The following PLSCR2 variants were observed in gnomAD, a reference collection of about 807,000 sequenced individuals.
PLSCR2 encodes PL scramblase 2.
PLSCR2 carries 18 observed loss-of-function variants against 25.3 expected under a neutral mutation model. The ratio of observed to expected loss-of-function variants is 0.71; its 90% CI spans 0.49 to 1.06. The LOEUF (loss-of-function observed/expected upper bound fraction) is 1.06, where lower values mean the gene tolerates loss of function less well. PLSCR2 is among the 50% of genes least tolerant of loss of function. The pLI, the probability that PLSCR2 is intolerant of heterozygous loss-of-function variation, is 0.00. For synonymous variants in PLSCR2, 88 were observed against 87.3 expected (o/e 1.01, Z -0.04); for missense variants, 243 against 269.5 (o/e 0.90, Z 0.69).
chr3:146,394,556 G>A (rs1352026358), intron 3 of PLSCR2, among the ~76,000 whole-genome samples: 2 of 152,184 alleles, frequency 1.3e-5, no homozygotes, highest in East Asian at 1.9e-4. Context: ...GTCAGCCACC[G>A]TGCCTGGACC....
At chr3:146,439,730 C>G (rs746879627), downstream of PLSCR2, among the ~76,000 whole-genome samples, 1 of 152,030 alleles carries the variant, frequency 6.6e-6, no homozygotes, top group African/African-American at 2.4e-5. Context: ...TCCTTTAGCT[C>G]GGAGTTTGTT....
At chr3:146,483,443 A>G (rs1560054647) in intron 1 of PLSCR2, among the ~76,000 whole-genome samples, 1 of 62,236 alleles carries the variant, frequency 1.6e-5, no homozygotes. Context: ...ATATATATAT[A>G]CACATGTATG....
At chr3:146,410,950 G>A (rs1027515768) in intron 2 of PLSCR2, among the ~76,000 whole-genome samples, 2 of 152,116 alleles carry the variant, frequency 1.3e-5, no homozygotes, top group African/African-American at 4.8e-5. Flanking sequence ...TTATGAGGTC[G>A]CCACGGAACT....
At chr3:146,430,494 G>T (rs893529610), downstream of PLSCR2, among the ~76,000 whole-genome samples, 1 of 152,112 alleles carries the variant, frequency 6.6e-6, no homozygotes, top group African/African-American at 2.4e-5. Flanking sequence ...GCACTTAATT[G>T]TGCCCAGAGA....
chr3:146,397,785 A>C (rs1188398768), intron 2 of PLSCR2, among the ~76,000 whole-genome samples: 1 of 151,972 alleles, frequency 6.6e-6, no homozygotes, highest in Non-Finnish European at 1.5e-5. Context: ...TGCATAGTCT[A>C]CTCTGTTACT....
intron 1 of PLSCR2, among the ~76,000 whole-genome samples, chr3:146,490,418 G>A (rs73865744): frequency 0.028 from 4,252 of 152,044 alleles, 222 homozygotes; most frequent in African/African-American, 0.096. Context: ...AGCATGCCTC[G>A]TAGATCTGTT....
chr3:146,461,481 G>A (rs2041568247), upstream of PLSCR2, among the ~76,000 whole-genome samples: 1 of 152,002 alleles, frequency 6.6e-6, no homozygotes, highest in Non-Finnish European at 1.5e-5. Context: ...GTTAACTTCT[G>A]GAAGAAATAA....
intron 2 of PLSCR2, among the ~76,000 whole-genome samples, chr3:146,410,040 A>G (rs577797528): frequency 3.9e-5 from 6 of 152,114 alleles, no homozygotes; most frequent in African/African-American, 1.4e-4. Context: ...CCTGTACTCT[A>G]AATACCTTTG....
At chr3:146,428,147 AG>A (rs1370007883) in intron 2 of PLSCR2, among the ~76,000 whole-genome samples, 3 of 152,236 alleles carry the variant, frequency 2.0e-5, no homozygotes, top group Admixed American at 6.5e-5. Context: ...TGTACGTGGT[AG>A]ATCCAATTTA....
At chr3:146,456,018 G>A (rs1576670862) in intron 3 of PLSCR2, among the ~76,000 whole-genome samples, 3 of 152,092 alleles carry the variant, frequency 2.0e-5, no homozygotes, top group East Asian at 3.8e-4. Context: ...AGATCACATC[G>A]GACTCAGGGC....
chr3:146,490,055 A>C lies in PLSCR2; in HGVS notation c.-293+5840T>G, dbSNP rs111990828. ...CATCATAAAAGTCCCAGATCTTTTCATGTAGACCATATGTTGATAATAATT... is the reference window on the plus strand; with the variant it reads ...CATCATAAAAGTCCCAGATCTTTTCCTGTAGACCATATGTTGATAATAATT... On this transcript the variant is annotated intron_variant, in intron 1 of 8. Transcript: ENST00000336685. Among the ~76,000 whole-genome samples the C allele has an allele frequency of 1.3e-3, 191 of 152,206 alleles. 2 individuals are homozygous for C. Among genetic ancestry groups the C allele is most frequent in the Admixed American group, 3.9e-3 (60 of 15,286 alleles).
chr3:146,462,558 T>C (rs533328771), upstream of PLSCR2, among the ~76,000 whole-genome samples: 9 of 151,798 alleles, frequency 5.9e-5, no homozygotes, highest in South Asian at 1.5e-3. Context: ...CTCTGCCTCC[T>C]GCGTTCAAGC....
chr3:146,407,567 A>G (rs779223140), intron 2 of PLSCR2, among the ~76,000 whole-genome samples: 14 of 152,202 alleles, frequency 9.2e-5, no homozygotes, highest in Middle Eastern at 3.4e-3. Context: ...TTGATCTGTT[A>G]GGCTTTGAAA....
exon 2 of PLSCR2, chr3:146,459,966 G>C (rs1394469374): frequency 6.2e-6 from 10 of 1,613,946 alleles, no homozygotes; most frequent in African/African-American, 1.3e-5. Flanking sequence ...TGTGCCAGCA[G>C]GTGGGACTAG....
chr3:146,462,457 T>G (rs56089937), upstream of PLSCR2, among the ~76,000 whole-genome samples: 591 of 116,046 alleles, frequency 5.1e-3, 5 homozygotes, highest in African/African-American at 0.018. Context: ...TCTTTTTCTT[T>G]TCTTTTCTTT....
chr3:146,399,794 C>CTCCTTCCTTCCTTCTT (rs955114378), intron 2 of PLSCR2, among the ~76,000 whole-genome samples: 1 of 148,424 alleles, frequency 6.7e-6, no homozygotes, highest in Non-Finnish European at 1.5e-5. Flanking sequence ...TCCTTCTTTC[C>CTCCTTCCTTCCTTCTT]TCCTTCCTTC....
intron 1 of PLSCR2, among the ~76,000 whole-genome samples, chr3:146,480,686 C>G (rs1241848406): frequency 6.6e-6 from 1 of 152,154 alleles, no homozygotes; most frequent in Admixed American, 6.5e-5. Context: ...CCTTCTGAAA[C>G]TATTCCAATC....
intron 1 of PLSCR2, among the ~76,000 whole-genome samples, chr3:146,474,108 A>ATATGAATG (rs76257097): frequency 0.29 from 44,424 of 151,840 alleles, 6,473 homozygotes; most frequent in South Asian, 0.42. Context: ...TTGTATATGT[A>ATATGAATG]TATTAATATG....
chr3:146,432,948 T>G (rs948527173), downstream of PLSCR2, among the ~76,000 whole-genome samples: 1 of 152,172 alleles, frequency 6.6e-6, no homozygotes, highest in Non-Finnish European at 1.5e-5. Context: ...TACATTAAAA[T>G]ATATTTTCTT....
Sources: gnomAD v4.1 joint callset for allele counts (sites outside exome capture counted in the v4.1 genomes callset) on GRCh38, gnomAD v4.1.1 for gene constraint, MANE v1.5 for transcripts, NCBI Gene and HGNC (gene_info 2026-07-23, HGNC 2026-07-21) for gene names.